NLRX1: variants seen among roughly 807,000 people sequenced by gnomAD.
NLRX1 encodes NOD-like receptor X1.
In NLRX1, 67 loss-of-function variants were observed where a neutral mutation model predicts 74.2. The observed-to-expected ratio is 0.90, with a 90% CI of 0.74 to 1.11. The LOEUF is 1.11. Ranked by LOEUF, NLRX1 falls within the 50% of genes least tolerant of loss-of-function variation. The pLI is 0.00. For missense variants in NLRX1, 1,191 were observed against 1,305.4 expected, an observed-to-expected ratio of 0.91 and a Z score of 1.35; for synonymous variants, 506 against 559.1, an observed-to-expected ratio of 0.91 and a Z score of 1.34.
At position 119,183,801 on chromosome 11, in the gene NLRX1, T is replaced by A; in HGVS notation, c.*362T>A. The A allele has an allele frequency of 1.3e-6, 1 of 780,788 alleles. No homozygotes were observed. The highest frequency in any genetic ancestry group is 2.3e-4 in the Middle Eastern group (1 of 4,438). 48.4% of individuals were successfully genotyped at this position (780,788 alleles called of 1,614,324 possible). Reference sequence around the variant, plus strand: ...TGACTGTGTCACCAAGGGGCTCACATCTTATGTCTGCCATGCCAGGGGTGT... The same window carrying A: ...TGACTGTGTCACCAAGGGGCTCACAACTTATGTCTGCCATGCCAGGGGTGT... On this transcript the variant is annotated 3_prime_UTR_variant, in exon 10 of 10. Transcript: ENST00000409109. This position sits in a 1 kb window ranked among gnomAD's most constrained non-coding sequence, Gnocchi z 5.7.
chr11:119,172,967 G>A lies in NLRX1; in HGVS notation c.207G>A (p.Leu69=). Reference sequence around the variant, plus strand: ...CCCCACCCGGGAGGCATGGACGGCTGTTCCCCAGCGCCTCTGCAACTGGTA... The same window carrying A: ...CCCCACCCGGGAGGCATGGACGGCTATTCCCCAGCGCCTCTGCAACTGGTA... The part of the protein sequence containing the change: ...SAPPPGRHGR[L]FPSASATEAI... The change falls in exon 4 of 10, where the codon CTG becomes CTA. Residue 69 remains leucine (L), a synonymous_variant. Coordinates refer to ENST00000409109, the MANE Select transcript of NLRX1 (RefSeq NM_001282144.2). 1 of 1,613,842 alleles carries A rather than the reference G, an allele frequency of 6.2e-7. No individual in the cohort carries two copies. The highest frequency in any genetic ancestry group is 8.5e-7 in the Non-Finnish European group (1 of 1,179,908).
rs750262629 is a variant in NLRX1 at position 119,174,777 on chromosome 11, C to A, written c.1174C>A (p.Gln392Lys). 6 of 1,613,854 alleles carry A rather than the reference C, an allele frequency of 3.7e-6. No individual in the cohort carries two copies. The South Asian group carries it at 6.6e-5, about 18-fold the overall frequency. The part of the protein sequence containing the change: ...HFLHAPTPAG[Q>K]TLTSIYTSFL... ...CCTGCATGCCCCCACGCCTGCTGGG[C>A]AGACCCTTACAAGCATCTATACCAG... The change falls in exon 6 of 10, where the codon CAG becomes AAG. Residue 392 changes from glutamine to lysine, a missense_variant. By Grantham distance (53) the Gln-to-Lys change is moderately conservative. Coordinates refer to ENST00000409109, the MANE Select transcript of NLRX1 (RefSeq NM_001282144.2).
rs768254938 is a variant in NLRX1 at position 119,180,336 on chromosome 11, AG to A, written c.2267+50del. 19 of 1,434,198 alleles carry A rather than the reference AG, an allele frequency of 1.3e-5. No individual in the cohort carries two copies. In the South Asian group the frequency reaches 1.6e-4, roughly 12 times the overall value. 88.8% of individuals were successfully genotyped at this position (1,434,198 alleles called of 1,614,324 possible). On this transcript the variant is annotated intron_variant, in intron 7 of 9. Coordinates refer to ENST00000409109, the MANE Select transcript of NLRX1 (RefSeq NM_001282144.2). ...AGGCATGAAGAGGGAAGAGGGTTGG[AG>A]GTGAAGAAGTGGGAAAAGAAAGTGC...
At position 119,183,280 on chromosome 11, in the gene NLRX1, C is replaced by T; in HGVS notation, c.2769C>T (p.Ser923=). 6.2e-7 allele frequency: 1 copy of T among 1,614,262 alleles called. No homozygotes were observed. Among genetic ancestry groups the T allele is most frequent in the Admixed American group, 1.7e-5 (1 of 60,026 alleles). The stretch of plus-strand genomic sequence containing the variant: ...GTGAAGTCCAGCGGAACCTCAATAG[C>T]TGGGATCGGGCCCGGGTTCAGCGAC... ...ILSEVQRNLN[S]WDRARVQRHL... The change falls in exon 10 of 10, where the codon AGC becomes AGT. Residue 923 remains serine, a synonymous_variant. Coordinates refer to ENST00000409109, the MANE Select transcript of NLRX1 (RefSeq NM_001282144.2). The surrounding 1 kb of genome is among the most constrained non-coding windows in gnomAD (Gnocchi z 5.7).
In NLRX1 at chr11:119,183,470, C is replaced by A; in HGVS notation, c.*31C>A. ...TGGCGGCAGGCACCTAGCTATGTGA[C>A]CACTGGCCCTAAACCTTTTCCCTCT... On this transcript the variant is annotated 3_prime_UTR_variant, in exon 10 of 10. Coordinates refer to ENST00000409109, the MANE Select transcript of NLRX1 (RefSeq NM_001282144.2). The surrounding 1 kb of genome is among the most constrained non-coding windows in gnomAD (Gnocchi z 5.7). 6.3e-7 allele frequency: 1 copy of A among 1,585,940 alleles called. No homozygotes were observed. Among genetic ancestry groups the A allele is most frequent in the South Asian group, 1.1e-5 (1 of 89,602 alleles).
chr11:119,180,767 A>C (rs1948818142), intron 7 of NLRX1, among the ~76,000 whole-genome samples: 1 of 151,706 alleles, frequency 6.6e-6, no homozygotes, highest in African/African-American at 2.4e-5. Context: ...GGAGCCAGGC[A>C]TGGTGGCTCC....
intron 8 of NLRX1, chr11:119,181,480 A>G (rs2135192819): frequency 1.9e-6 from 1 of 535,052 alleles, no homozygotes; most frequent in East Asian, 3.2e-5. Context: ...CACGTGGCTA[A>G]AATCAGCCTG....
chr11:119,183,099 A>G lies in NLRX1; in HGVS notation c.2607-19A>G, dbSNP rs749359312. 1.2e-6 allele frequency: 2 copies of G among 1,611,000 alleles called. No homozygotes were observed. Among genetic ancestry groups the G allele is most frequent in the Non-Finnish European group, 1.7e-6 (2 of 1,178,514 alleles). Reference sequence around the variant, plus strand: ...CTCAGAGCTCTACTGAATGGCATCGACTTTCTCTCTCCTGCCAGCCTCTAC... The same window carrying G: ...CTCAGAGCTCTACTGAATGGCATCGGCTTTCTCTCTCCTGCCAGCCTCTAC... On this transcript the variant is annotated intron_variant, in intron 9 of 9. Transcript: ENST00000409109. The surrounding 1 kb of genome is among the most constrained non-coding windows in gnomAD (Gnocchi z 5.7).
chr11:119,172,772 G>T, intron 3 of NLRX1, 129 bp from the exon 4 acceptor site: 1 of 712,260 alleles, frequency 1.4e-6, no homozygotes, highest in Admixed American at 2.1e-5. Flanking sequence ...TCTAAACTTG[G>T]GGGTCCAGTG....
chr11:119,182,369 T>C (rs1391149466), intron 9 of NLRX1, 24 bp downstream of exon 9: 1 of 1,601,078 alleles, frequency 6.2e-7, no homozygotes, highest in Admixed American at 1.7e-5. Flanking sequence ...CTGGTCCCAT[T>C]GCCCCCAGCC....
chr11:119,169,430 A>T (rs1288010945), intron 1 of NLRX1, 128 bp downstream of exon 1: 1 of 152,280 alleles, frequency 6.6e-6, no homozygotes, highest in Non-Finnish European at 1.5e-5. Flanking sequence ...TTAAACCGGA[A>T]CCTAGGCTTT....
chr11:119,174,454 C>A lies in NLRX1; in HGVS notation c.851C>A (p.Ala284Asp). ...AACTCTCAACCATGCTCTTCCCAGG[C>A]CAGCATTCTGGTGACCACTCGGCCC... ...NLLRKYMLPQ[A>D]SILVTTRPSA... The change falls in exon 6 of 10, where the codon GCC becomes GAC. Residue 284 changes from alanine (A) to aspartate (D), a missense_variant and splice_region_variant. Physicochemically the swap from Ala to Asp is moderately radical, Grantham distance 126 (BLOSUM62 -2). Coordinates refer to ENST00000409109, the MANE Select transcript of NLRX1 (RefSeq NM_001282144.2). 1 of 1,612,518 alleles carries A rather than the reference C, an allele frequency of 6.2e-7. No homozygotes were observed. Among genetic ancestry groups the A allele is most frequent in the Non-Finnish European group, 8.5e-7 (1 of 1,178,900 alleles).
chr11:119,173,534 G>A lies in NLRX1; in HGVS notation c.285G>A (p.Arg95=), dbSNP rs530297386. 3 of 1,614,128 alleles carry A rather than the reference G, an allele frequency of 1.9e-6. No homozygotes were observed. In the East Asian group the frequency reaches 6.7e-5, roughly 36 times the overall value. ...CTGAGTGGTTCAGCCGGCTGCCCAG[G>A]GAGGAGCGCCAGTTTGGCCCAACCT... ...NLAEWFSRLP[R]EERQFGPTFA... The change falls in exon 5 of 10, where the codon AGG becomes AGA. Residue 95 remains arginine (R), a synonymous_variant. Coordinates refer to ENST00000409109, the MANE Select transcript of NLRX1 (RefSeq NM_001282144.2). This position sits in a 1 kb window ranked among gnomAD's most constrained non-coding sequence, Gnocchi z 4.0.
chr11:119,174,315 T>C, intron 5 of NLRX1, 138 bp from the exon 6 acceptor site: 10 of 1,040,044 alleles, frequency 9.6e-6, no homozygotes, highest in Non-Finnish European at 1.4e-5. Flanking sequence ...CAGCAGGTGT[T>C]CAGTAATTGC....
chr11:119,175,672 G>A (rs900956208), intron 6 of NLRX1, among the ~76,000 whole-genome samples: 15 of 152,226 alleles, frequency 9.9e-5, no homozygotes, highest in African/African-American at 3.6e-4. Context: ...ATTAGGCTCT[G>A]AGAGTGATGA....
chr11:119,175,357 C>T, intron 6 of NLRX1, 83 bp downstream of exon 6: 1 of 1,157,096 alleles, frequency 8.6e-7, no homozygotes, highest in African/African-American at 1.5e-5. Flanking sequence ...ACATGGTTCC[C>T]TGTTCACCCC....
intron 6 of NLRX1, among the ~76,000 whole-genome samples, chr11:119,176,333 G>A (rs1257016491): frequency 2.6e-5 from 4 of 152,132 alleles, no homozygotes; most frequent in African/African-American, 7.2e-5. Context: ...CTGCAGCTTC[G>A]ACCTTCTGGG....
rs779854993 is a variant in NLRX1, at chr11:119,181,152, T to C, written c.2268-19T>C. 4.4e-6 allele frequency: 7 copies of C among 1,604,032 alleles called. No individual in the cohort carries two copies. Among genetic ancestry groups the C allele is most frequent in the Non-Finnish European group, 6.0e-6 (7 of 1,171,442 alleles). On this transcript the variant is annotated intron_variant, in intron 7 of 9. Transcript: ENST00000409109. ...CCTCCCTGGTCTCTCACCTCCCCTCTGGCCACCTTCTGCTCCAGCTTGCAA... is the reference window on the plus strand; with the variant it reads ...CCTCCCTGGTCTCTCACCTCCCCTCCGGCCACCTTCTGCTCCAGCTTGCAA...
intron 6 of NLRX1, 133 bp downstream of exon 6, chr11:119,175,407 G>A: frequency 1.3e-6 from 1 of 747,994 alleles, no homozygotes; most frequent in South Asian, 1.8e-5. Flanking sequence ...TTCCTGCAAA[G>A]GTATGAATCT....
Sources: gnomAD v4.1 joint callset for allele counts (sites outside exome capture counted in the v4.1 genomes callset) on GRCh38, gnomAD v4.1.1 for gene constraint, Gnocchi (gnomAD v3.1) non-coding constraint, MANE v1.5 for transcripts, NCBI Gene and HGNC (gene_info 2026-07-23, HGNC 2026-07-21) for gene names.